The following WWOX variants were observed in gnomAD, a reference collection of about 807,000 sequenced individuals.
The protein encoded by WWOX is WW domain containing oxidoreductase, also known as WW domain-containing oxidoreductase.
Under a neutral mutation model 46.2 loss-of-function variants are expected in WWOX, and 69 were observed. The ratio of observed to expected loss-of-function variants is 1.49; its 90% CI spans 1.23 to 1.82. The LOEUF is 1.82. WWOX is among the 40% of genes most tolerant of loss of function. The probability of loss-of-function intolerance (pLI) is 0.00; values close to 1 mark genes in which losing one functional copy is unlikely to be tolerated. For synonymous variants in WWOX, 359 were observed against 202.6 expected, an observed-to-expected ratio of 1.77 and a Z score of -6.56; for missense variants, 919 against 542.6, an observed-to-expected ratio of 1.69 and a Z score of -6.89.
At chr16:78,278,691 C>G (rs376674569) in intron 5 of WWOX, 3 of 1,573,308 alleles carry the variant, frequency 1.9e-6, no homozygotes, top group Non-Finnish European at 2.6e-6. Context: ...CTTGAATAGT[C>G]TCATCAATTA....
intron 5 of WWOX, chr16:78,167,277 T>C (rs1287298560): frequency 6.6e-6 from 1 of 152,222 alleles, no homozygotes; most frequent in Non-Finnish European, 1.5e-5. Flanking sequence ...CTGGATCTAT[T>C]TGGAGCCTGT....
At chr16:78,424,745 G>A (rs765632528) in intron 6 of WWOX, 125 bp from the exon 7 acceptor site, 141 of 1,092,456 alleles carry the variant, frequency 1.3e-4, no homozygotes, top group Non-Finnish European at 1.9e-4. Flanking sequence ...TCTCATTCCC[G>A]AAGGAGCATG....
At chr16:79,095,250 C>T (rs1055875997) in intron 8 of WWOX, among the ~76,000 whole-genome samples, 4 of 152,116 alleles carry the variant, frequency 2.6e-5, no homozygotes, top group East Asian at 1.9e-4. Flanking sequence ...TTTTATTTAG[C>T]GGGAGAAGAC....
At chr16:78,204,373 A>G (rs2036326427) in intron 5 of WWOX, among the ~76,000 whole-genome samples, 1 of 152,232 alleles carries the variant, frequency 6.6e-6, no homozygotes, top group South Asian at 2.1e-4. Context: ...AGAATGGGGT[A>G]TCCAACCCCT....
At chr16:78,939,751 C>T (rs147165252) in intron 8 of WWOX, among the ~76,000 whole-genome samples, 1 of 152,194 alleles carries the variant, frequency 6.6e-6, no homozygotes, top group East Asian at 1.9e-4. Flanking sequence ...GGTAACCCAG[C>T]CCCTTTTAAT....
At chr16:79,028,880 C>G (rs1451003384) in intron 8 of WWOX, among the ~76,000 whole-genome samples, 1 of 142,234 alleles carries the variant, frequency 7.0e-6, no homozygotes, top group Non-Finnish European at 1.5e-5. Context: ...GATCACTTCA[C>G]AGTTTCCTGA....
At chr16:79,210,495 A>C (rs2051691056) in intron 8 of WWOX, among the ~76,000 whole-genome samples, 2 of 152,062 alleles carry the variant, frequency 1.3e-5, no homozygotes, top group Non-Finnish European at 1.5e-5. Context: ...CCCACAATCA[A>C]AGTTCCTTAG....
intron 8 of WWOX, among the ~76,000 whole-genome samples, chr16:78,764,233 T>C (rs1463240083): frequency 6.6e-6 from 1 of 151,742 alleles, no homozygotes; most frequent in Non-Finnish European, 1.5e-5. Flanking sequence ...CGGCCGGGTG[T>C]TGTTAAACGG....
At chr16:78,660,524 C>T (rs372341689) in intron 8 of WWOX, among the ~76,000 whole-genome samples, 1 of 152,124 alleles carries the variant, frequency 6.6e-6, no homozygotes, top group Admixed American at 6.6e-5. Context: ...TCAGAGAATT[C>T]ACAAAACAAC....
chr16:78,300,143 T>C (rs13333016), intron 5 of WWOX, among the ~76,000 whole-genome samples: 5,942 of 152,246 alleles, frequency 0.039, 200 homozygotes, highest in African/African-American at 0.089. Context: ...TCTGTTCAAT[T>C]TTCTTTTTAA....
chr16:78,355,604 G>A, intron 5 of WWOX: 1 of 547,136 alleles, frequency 1.8e-6, no homozygotes, highest in South Asian at 1.5e-5. Flanking sequence ...CAGCCCAGAG[G>A]AGCGAATTTG....
chr16:78,888,247 T>G (rs1194129937), intron 8 of WWOX, among the ~76,000 whole-genome samples: 1 of 152,210 alleles, frequency 6.6e-6, no homozygotes, highest in Non-Finnish European at 1.5e-5. Flanking sequence ...TGTGCTTTGC[T>G]TCTCCCTTCT....
At chr16:78,676,283 A>G (rs2047597465) in intron 8 of WWOX, among the ~76,000 whole-genome samples, 1 of 151,906 alleles carries the variant, frequency 6.6e-6, no homozygotes, top group Non-Finnish European at 1.5e-5. Context: ...ACCTGCTACC[A>G]TCCTCTAAAG....
chr16:78,137,143 A>G (rs2033823594), intron 4 of WWOX, among the ~76,000 whole-genome samples: 1 of 152,234 alleles, frequency 6.6e-6, no homozygotes, highest in Admixed American at 6.5e-5. Context: ...TCACCCAGAA[A>G]GACACATCTG....
At chr16:78,333,346 G>C (rs1327036608) in intron 5 of WWOX, among the ~76,000 whole-genome samples, 2 of 151,928 alleles carry the variant, frequency 1.3e-5, no homozygotes, top group Non-Finnish European at 2.9e-5. Context: ...ACCAAACCTG[G>C]TCAATTTTCT....
intron 5 of WWOX, among the ~76,000 whole-genome samples, chr16:78,371,420 G>T (rs147659055): frequency 8.5e-5 from 13 of 152,228 alleles, no homozygotes; most frequent in African/African-American, 2.2e-4. Context: ...CTTCAATAAC[G>T]TATGAAAAGA....
At chr16:78,455,643 CAAAAAAAAAAAAA>C (rs57754374) in intron 8 of WWOX, among the ~76,000 whole-genome samples, 1 of 60,508 alleles carries the variant, frequency 1.7e-5, no homozygotes, top group Non-Finnish European at 2.8e-5. Flanking sequence ...GACTCTGTCT[CAAAAAAAAAAAAA>C]AAAAAAAAAA....
intron 8 of WWOX, among the ~76,000 whole-genome samples, chr16:79,166,207 A>G (rs76448762): frequency 0.027 from 4,123 of 152,272 alleles, 77 homozygotes; most frequent in South Asian, 0.048. Flanking sequence ...ATTGACTTCA[A>G]TCACTTCTGG....
chr16:79,107,230 C>G (rs989822678), intron 8 of WWOX, among the ~76,000 whole-genome samples: 2 of 151,788 alleles, frequency 1.3e-5, no homozygotes, highest in Admixed American at 6.6e-5. Flanking sequence ...CACGAATCAC[C>G]GCGCCCAGCC....
Sources: allele counts gnomAD v4.1 joint callset (sites outside exome capture counted in the v4.1 genomes callset), GRCh38; gene constraint gnomAD v4.1.1; transcripts MANE v1.5; gene names NCBI Gene and HGNC (gene_info 2026-07-23, HGNC 2026-07-21).